TRMT10A: variants seen among roughly 807,000 people sequenced by gnomAD.
TRMT10A encodes tRNA methyltransferase 10 homolog A.
Under a neutral mutation model 40.4 loss-of-function variants are expected in TRMT10A, and 37 were observed. The observed-to-expected ratio is 0.92, with a 90% CI of 0.71 to 1.21. The LOEUF (loss-of-function observed/expected upper bound fraction) is 1.21, where lower values mean the gene tolerates loss of function less well. Ranked by LOEUF, TRMT10A falls within the 50% of genes most tolerant of loss-of-function variation. The pLI is 0.00. For missense variants in TRMT10A, 388 were observed against 404.3 expected, an observed-to-expected ratio of 0.96 and a Z score of 0.35; for synonymous variants, 103 against 134.1, an observed-to-expected ratio of 0.77 and a Z score of 1.60.
Position 99,549,289 on chromosome 4 carries a change from G to C in TRMT10A, c.819C>G (p.Pro273=), listed in dbSNP as rs749298469. Residue 273 remains proline (P), a synonymous_variant, in exon 8 of 8, where the codon CCC becomes CCG. Transcript: ENST00000394876. ...DWQEAFFTIL[P]QRKGAVPTDK... is the part of the protein sequence containing the mutation. ...CTGTGGGAACAGCTCCTTTCCGTTG[G>C]GGCAAGATAGTAAAAAATGCTTCTT... 23 of 1,614,008 alleles carry C rather than the reference G, an allele frequency of 1.4e-5. No individual in the cohort carries two copies. The highest frequency in any genetic ancestry group is 2.2e-5 in the East Asian group (1 of 44,882).
intron 6 of TRMT10A, among the ~76,000 whole-genome samples, chr4:99,552,503 C>T (rs1004273784): frequency 6.6e-6 from 1 of 152,076 alleles, no homozygotes; most frequent in African/African-American, 2.4e-5. Context: ...TCTGTAACTA[C>T]ACTCTATAAT....
At chr4:99,551,677 A>T (rs1009044345) in intron 6 of TRMT10A, among the ~76,000 whole-genome samples, 5 of 152,144 alleles carry the variant, frequency 3.3e-5, no homozygotes, top group Non-Finnish European at 5.9e-5. Context: ...AAAAAAAAAA[A>T]TAATAATTAC....
intron 1 of TRMT10A, chr4:99,563,608 A>C: frequency 3.7e-6 from 1 of 266,920 alleles, no homozygotes; most frequent in Non-Finnish European, 7.6e-6. Context: ...GCCGACGGAA[A>C]GCGCCCCACC....
intron 5 of TRMT10A, among the ~76,000 whole-genome samples, chr4:99,554,961 C>T (rs1329349262): frequency 1.3e-5 from 2 of 151,894 alleles, no homozygotes; most frequent in East Asian, 1.9e-4. Context: ...TTTAATGAAA[C>T]CAAGAATGAG....
At chr4:99,563,240 T>C (rs1253533083) in intron 1 of TRMT10A, 3 of 152,398 alleles carry the variant, frequency 2.0e-5, no homozygotes, top group East Asian at 1.9e-4. Context: ...GATGAAATTC[T>C]TTCAGAAAGT....
intron 5 of TRMT10A, 89 bp from the exon 6 acceptor site, chr4:99,554,023 C>A: frequency 2.3e-6 from 3 of 1,331,312 alleles, no homozygotes; most frequent in Non-Finnish European, 3.1e-6. Context: ...CAAAACAAAT[C>A]CATTCAAAAA....
At chr4:99,557,977 T>C in intron 3 of TRMT10A, 72 bp downstream of exon 3, 1 of 1,340,800 alleles carries the variant, frequency 7.5e-7, no homozygotes, top group Non-Finnish European at 1.0e-6. Context: ...ATAAAAGGGA[T>C]ATTGCATATT....
chr4:99,561,357 TA>T (rs1560604830), intron 1 of TRMT10A, among the ~76,000 whole-genome samples: 1 of 152,168 alleles, frequency 6.6e-6, no homozygotes, highest in African/African-American at 2.4e-5. Context: ...AGTCTTAAGT[TA>T]AATTTAATAT....
intron 3 of TRMT10A, chr4:99,557,627 A>G (rs1686198116): frequency 8.6e-6 from 4 of 464,162 alleles, no homozygotes; most frequent in Non-Finnish European, 1.5e-5. Flanking sequence ...CCATTATTTC[A>G]TATTTTGTAT....
intron 5 of TRMT10A, among the ~76,000 whole-genome samples, chr4:99,554,518 C>T (rs1418980438): frequency 1.3e-5 from 2 of 151,822 alleles, no homozygotes; most frequent in African/African-American, 4.8e-5. Flanking sequence ...GTCAGGAGTT[C>T]GAGACCAGCC....
intron 3 of TRMT10A, 123 bp from the exon 4 acceptor site, chr4:99,557,539 C>A (rs1724211996): frequency 5.7e-6 from 4 of 703,614 alleles, no homozygotes; most frequent in South Asian, 2.2e-5. Flanking sequence ...TTCTTAAATA[C>A]AAATGCATTC....
At chr4:99,554,955 A>G (rs1724110383) in intron 5 of TRMT10A, among the ~76,000 whole-genome samples, 1 of 152,172 alleles carries the variant, frequency 6.6e-6, no homozygotes, top group Non-Finnish European at 1.5e-5. Context: ...ATAATTTTTA[A>G]TGAAACCAAG....
In TRMT10A at chr4:99,548,940, T is replaced by C; in HGVS notation, c.*148A>G. 5 of 733,482 alleles carry C rather than the reference T, an allele frequency of 6.8e-6. No homozygotes were observed. The highest frequency in any genetic ancestry group is 1.0e-5 in the Non-Finnish European group (5 of 500,400). 45.4% of individuals were successfully genotyped at this position (733,482 alleles called of 1,614,324 possible). ...TCCTTACAAAGTTTAAAGGGCTTTT[T>C]TTTTTATTATTATTTAGGTCCAAAA... On this transcript the variant is annotated 3_prime_UTR_variant, in exon 8 of 8. Transcript: ENST00000394876.
rs1368766312 is a variant in TRMT10A, at chr4:99,548,276, C to A, written c.*812G>T. 1 of 139,052 alleles carries A rather than the reference C, an allele frequency of 7.2e-6. No homozygotes were observed. The highest frequency in any genetic ancestry group is 2.7e-5 in the African/African-American group (1 of 37,512). 8.6% of individuals were successfully genotyped at this position (139,052 alleles called of 1,614,324 possible). A position where few individuals can be genotyped will look rare whatever the true frequency, so the allele number is the denominator to read the frequency against. On this transcript the variant is annotated 3_prime_UTR_variant, in exon 8 of 8. Coordinates refer to ENST00000394876, the MANE Select transcript of TRMT10A (RefSeq NM_001134665.3). The stretch of plus-strand genomic sequence containing the variant: ...AAACTTTATTCATCTTAAGAGCCAA[C>A]AAATTTAAAAAAAATATGGAAAAAA...
chr4:99,559,382 T>C (rs1207164881), intron 1 of TRMT10A, 21 bp from the exon 2 acceptor site: 1 of 1,498,224 alleles, frequency 6.7e-7, no homozygotes, highest in African/African-American at 1.4e-5. Context: ...GAATAGATAA[T>C]TTACAAGCAC....
At chr4:99,553,406 A>G (rs557061485) in intron 6 of TRMT10A, among the ~76,000 whole-genome samples, 5 of 152,316 alleles carry the variant, frequency 3.3e-5, no homozygotes, top group African/African-American at 1.2e-4. Context: ...TTAAGTTCCA[A>G]TGGCTTAGCA....
At chr4:99,559,025 G>A (rs1256137825) in intron 2 of TRMT10A, 129 bp downstream of exon 2, 3 of 1,011,946 alleles carry the variant, frequency 3.0e-6, no homozygotes, top group African/African-American at 3.2e-5. Context: ...TTTTCTTTAC[G>A]CTTTTGTCTA....
chr4:99,560,372 A>G (rs945031011), intron 1 of TRMT10A, among the ~76,000 whole-genome samples: 1 of 152,160 alleles, frequency 6.6e-6, no homozygotes, highest in African/African-American at 2.4e-5. Flanking sequence ...GAAGACATAA[A>G]AAGTTCAATA....
In TRMT10A at chr4:99,558,360, G is replaced by T. The variant is rs1318411712; in HGVS notation, c.186-149C>A. The T allele has an allele frequency of 4.2e-6, 3 of 709,964 alleles. No homozygotes were observed. The Admixed American group carries it at 1.0e-4, about 24-fold the overall frequency. The allele number at this position is 709,964 out of a possible 1,614,324, so 44.0% of individuals were successfully genotyped here. ...ACCATTCAAAAATGGTCAAGTATTA[G>T]CAGTTTTATACAACCCATCTAAAAG... On this transcript the variant is annotated intron_variant, in intron 2 of 7. Transcript: ENST00000394876.
Sources: gnomAD v4.1 joint callset for allele counts (sites outside exome capture counted in the v4.1 genomes callset) on GRCh38, gnomAD v4.1.1 for gene constraint, MANE v1.5 for transcripts, NCBI Gene and HGNC (gene_info 2026-07-23, HGNC 2026-07-21) for gene names.